The following BICRAL variants were observed in gnomAD, a reference collection of about 807,000 sequenced individuals.
BICRAL encodes BRD4-interacting chromatin-remodeling complex-associated protein-like.
A neutral mutation model predicts 91.8 loss-of-function variants in BICRAL; 8 were observed. The observed-to-expected ratio is 0.09, with a 90% confidence interval of 0.05 to 0.16. The LOEUF (loss-of-function observed/expected upper bound fraction) is 0.16, where lower values mean the gene tolerates loss of function less well. BICRAL is among the 10% of genes least tolerant of loss of function. BICRAL has a pLI of 1.00. For missense variants in BICRAL, 1,038 were observed against 1,310.9 expected, an observed-to-expected ratio of 0.79 and a Z score of 3.21; for synonymous variants, 445 against 491.1, an observed-to-expected ratio of 0.91 and a Z score of 1.24.
At chr6:42,783,655 C>A (rs992689870) in intron 1 of BICRAL, among the ~76,000 whole-genome samples, 1 of 152,216 alleles carries the variant, frequency 6.6e-6, no homozygotes, top group Non-Finnish European at 1.5e-5. Flanking sequence ...TCCTTCCCCA[C>A]GCCCCCAGAC....
At chr6:42,776,403 A>C (rs1762808624) in intron 1 of BICRAL, among the ~76,000 whole-genome samples, 1 of 151,548 alleles carries the variant, frequency 6.6e-6, no homozygotes, top group Non-Finnish European at 1.5e-5. Flanking sequence ...GCTGGAGTGC[A>C]GTGGCTTGAT....
At chr6:42,830,321 T>TG in intron 6 of BICRAL, 149 bp downstream of exon 6, 1 of 758,700 alleles carries the variant, frequency 1.3e-6, no homozygotes, top group Non-Finnish European at 2.1e-6. Flanking sequence ...ATCCCAACAC[T>TG]TTGGGAGGCC....
intron 1 of BICRAL, among the ~76,000 whole-genome samples, chr6:42,756,353 T>C (rs1450605722): frequency 6.6e-6 from 1 of 152,202 alleles, no homozygotes; most frequent in East Asian, 1.9e-4. Context: ...TATTCATCCC[T>C]GATAAACTTC....
At chr6:42,780,594 TG>T (rs1762883282), upstream of BICRAL, among the ~76,000 whole-genome samples, 1 of 152,240 alleles carries the variant, frequency 6.6e-6, no homozygotes, top group African/African-American at 2.4e-5. Flanking sequence ...AATTACATTC[TG>T]TACAATTCAC....
At chr6:42,859,993 G>T (rs761402720) in intron 10 of BICRAL, among the ~76,000 whole-genome samples, 17 of 152,062 alleles carry the variant, frequency 1.1e-4, no homozygotes, top group Non-Finnish European at 2.1e-4. Flanking sequence ...TATTTTATAG[G>T]TGATATCAAA....
At chr6:42,815,911 T>G in intron 2 of BICRAL, among the ~76,000 whole-genome samples, 1 of 136,816 alleles carries the variant, frequency 7.3e-6, no homozygotes, top group East Asian at 2.1e-4. Context: ...TTGAACCCGG[T>G]AAGCGGAGGT....
rs189415221 is a variant in BICRAL, at chr6:42,827,288, C to T, written c.160-1205C>T. Among the ~76,000 whole-genome samples the T allele has an allele frequency of 8.3e-4, 126 of 152,278 alleles. No homozygotes were observed. The Middle Eastern group carries it at 0.017, about 21-fold the overall frequency. ...GATGGACAGTTCTTTTTAATAGTCA[C>T]GTGTGTGTAAGGCACGTAAGATCAT... On this transcript the variant is annotated intron_variant, in intron 5 of 12. Transcript: ENST00000314073.
At chr6:42,791,220 T>A (rs1437523808) in intron 1 of BICRAL, among the ~76,000 whole-genome samples, 7 of 152,146 alleles carry the variant, frequency 4.6e-5, no homozygotes, top group Non-Finnish European at 1.0e-4. Context: ...CTGTACCAGA[T>A]CCTCTTATAC....
chr6:42,833,964 C>G (rs901563510), intron 6 of BICRAL, among the ~76,000 whole-genome samples: 1 of 152,140 alleles, frequency 6.6e-6, no homozygotes, highest in Non-Finnish European at 1.5e-5. Context: ...AAGCCATTCT[C>G]CTGCCTCAGC....
intron 2 of BICRAL, among the ~76,000 whole-genome samples, chr6:42,816,339 C>T (rs1225856606): frequency 2.0e-5 from 3 of 151,694 alleles, no homozygotes; most frequent in Non-Finnish European, 4.4e-5. Context: ...CATAATGAAA[C>T]CCTGTCTCTT....
At chr6:42,787,484 C>T (rs1282987846) in intron 1 of BICRAL, among the ~76,000 whole-genome samples, 2 of 151,718 alleles carry the variant, frequency 1.3e-5, no homozygotes, top group African/African-American at 2.4e-5. Flanking sequence ...TCAAGCCCTG[C>T]GAGACTGGAG....
chr6:42,788,560 A>G (rs953313713), intron 1 of BICRAL, among the ~76,000 whole-genome samples: 1 of 152,312 alleles, frequency 6.6e-6, no homozygotes, highest in Admixed American at 6.5e-5. Flanking sequence ...CACAGGAAGA[A>G]CACTTGCCTT....
chr6:42,838,258 A>G (rs1486490702), intron 6 of BICRAL, among the ~76,000 whole-genome samples: 1 of 152,192 alleles, frequency 6.6e-6, no homozygotes, highest in Non-Finnish European at 1.5e-5. Flanking sequence ...CACTGATTTC[A>G]TTTAGTTGTC....
At chr6:42,852,583 A>C in intron 7 of BICRAL, 1 of 346,062 alleles carries the variant, frequency 2.9e-6, no homozygotes, top group Non-Finnish European at 5.6e-6. Context: ...AATCGCTTGA[A>C]CCCGGGAGGC....
At position 42,865,365 on chromosome 6, in the gene BICRAL, G is replaced by T. The variant is rs770090505; in HGVS notation, c.3159G>T (p.Lys1053Asn). The change falls in exon 13 of 13, where the codon AAG becomes AAT. Residue 1053 changes from lysine to asparagine, a missense_variant. Lys to Asn is a moderately conservative substitution (Grantham distance 94). Coordinates refer to ENST00000314073, the MANE Select transcript of BICRAL (RefSeq NM_001393499.1). ...PMASQENCLE[K>N]FIPDHSEGVV... is the part of the protein sequence containing the mutation. ...CTTCACAGGAAAACTGCCTGGAAAAGTTCATCCCGGACCACAGTGAAGGTG... is the reference window on the plus strand; with the variant it reads ...CTTCACAGGAAAACTGCCTGGAAAATTTCATCCCGGACCACAGTGAAGGTG... The T allele has an allele frequency of 1.2e-6, 2 of 1,613,808 alleles. No homozygotes were observed. The highest frequency in any genetic ancestry group is 2.2e-5 in the South Asian group (2 of 91,078).
intron 1 of BICRAL, among the ~76,000 whole-genome samples, chr6:42,758,313 G>C (rs1303543733): frequency 6.6e-6 from 1 of 152,102 alleles, no homozygotes; most frequent in Non-Finnish European, 1.5e-5. Context: ...GCTCTCTATT[G>C]TCTCATACAG....
chr6:42,837,134 A>G (rs1462186233), intron 6 of BICRAL, among the ~76,000 whole-genome samples: 4 of 150,852 alleles, frequency 2.7e-5, no homozygotes, highest in Non-Finnish European at 5.9e-5. Context: ...TTTAGTAGAG[A>G]CAGAGTTTTG....
intron 1 of BICRAL, 72 bp downstream of exon 1, chr6:42,782,173 C>G (rs1296599558): frequency 6.6e-6 from 1 of 150,736 alleles, no homozygotes; most frequent in Non-Finnish European, 1.5e-5. Context: ...CACACAACCT[C>G]CTTCCTCTGC....
chr6:42,811,208 G>A (rs1402798418), intron 2 of BICRAL, among the ~76,000 whole-genome samples: 1 of 152,208 alleles, frequency 6.6e-6, no homozygotes, highest in African/African-American at 2.4e-5. Context: ...AATGAGATGA[G>A]CCCTGTAACC....
Sources: gnomAD v4.1 joint callset for allele counts (sites outside exome capture counted in the v4.1 genomes callset) on GRCh38, gnomAD v4.1.1 for gene constraint, MANE v1.5 for transcripts, NCBI Gene and HGNC (gene_info 2026-07-23, HGNC 2026-07-21) for gene names.